GAB1: variants seen among roughly 807,000 people sequenced by gnomAD.
GAB1 encodes the protein GRB2 associated binding protein 1.
GAB1 carries 19 observed loss-of-function variants against 66.5 expected under a neutral mutation model. The observed-to-expected ratio is 0.29, with a 90% CI of 0.20 to 0.42. The LOEUF (loss-of-function observed/expected upper bound fraction) is 0.42. Among genes scored for constraint, GAB1 ranks in the 10% least tolerant of loss-of-function variants. The pLI, the probability that GAB1 is intolerant of heterozygous loss-of-function variation, is 1.00. For missense variants in GAB1, 732 were observed against 858.5 expected (o/e 0.85, Z 1.84); for synonymous variants, 294 against 301.4 (o/e 0.98, Z 0.25).
intron 1 of GAB1, among the ~76,000 whole-genome samples, chr4:143,369,876 T>C (rs1730044530): frequency 6.6e-6 from 1 of 152,244 alleles, no homozygotes; most frequent in South Asian, 2.1e-4. Flanking sequence ...TGGCTTCAAA[T>C]AAGCAAAAGG....
chr4:143,448,768 G>T (rs1212251382), intron 6 of GAB1, among the ~76,000 whole-genome samples: 20 of 151,346 alleles, frequency 1.3e-4, no homozygotes, highest in Admixed American at 2.6e-4. Context: ...TTTTTGAAGG[G>T]TTTTTTGTGT....
intron 8 of GAB1, among the ~76,000 whole-genome samples, chr4:143,462,791 A>G (rs1560788637): frequency 6.6e-6 from 1 of 152,010 alleles, no homozygotes; most frequent in South Asian, 2.1e-4. Flanking sequence ...CCTCTCGAGT[A>G]GCTGGGATTA....
At chr4:143,359,379 G>A (rs756349808) in intron 1 of GAB1, among the ~76,000 whole-genome samples, 3 of 152,078 alleles carry the variant, frequency 2.0e-5, no homozygotes, top group Non-Finnish European at 4.4e-5. Flanking sequence ...AAAAACCCAC[G>A]GAAGCATTTT....
At chr4:143,415,798 T>C in intron 2 of GAB1, 27 bp downstream of exon 2, 1 of 1,495,154 alleles carries the variant, frequency 6.7e-7, no homozygotes, top group Non-Finnish European at 9.1e-7. Context: ...ACTATTCAAC[T>C]TGAATTCTTC....
At chr4:143,344,484 GT>G (rs1175669655) in intron 1 of GAB1, among the ~76,000 whole-genome samples, 1 of 152,174 alleles carries the variant, frequency 6.6e-6, no homozygotes, top group Admixed American at 6.5e-5. Context: ...AACTTATCAA[GT>G]CACAGTTCTC....
chr4:143,390,027 G>A (rs1214872905), intron 1 of GAB1, among the ~76,000 whole-genome samples: 3 of 152,124 alleles, frequency 2.0e-5, no homozygotes, highest in Non-Finnish European at 4.4e-5. Context: ...GTGTTTCACA[G>A]GCTCTTTCAT....
In GAB1 at chr4:143,433,643, C is replaced by T; in HGVS notation, c.520C>T (p.Leu174Phe). 6.2e-7 allele frequency: 1 copy of T among 1,614,002 alleles called. No homozygotes were observed. Residue 174 changes from leucine to phenylalanine, a missense_variant, in exon 3 of 10, where the codon CTT (leucine) becomes TTT (phenylalanine). Leu to Phe is a conservative substitution (Grantham distance 22). Transcript: ENST00000262994. ...LINVPPHLETLGIQEDPQDYL... is the reference protein window; with the variant it reads ...LINVPPHLETFGIQEDPQDYL... ...CAATGTTCCACCACACCTGGAAACT[C>T]TTGGCATTCAGGAGGATCCTCAAGA...
intron 9 of GAB1, among the ~76,000 whole-genome samples, chr4:143,467,702 G>C (rs1578764149): frequency 6.6e-6 from 1 of 152,222 alleles, no homozygotes; most frequent in Non-Finnish European, 1.5e-5. Flanking sequence ...ATTTGCTTCT[G>C]CTAGGAACCA....
chr4:143,432,476 A>G (rs1415246322), intron 2 of GAB1, among the ~76,000 whole-genome samples: 2 of 152,218 alleles, frequency 1.3e-5, no homozygotes, highest in Non-Finnish European at 2.9e-5. Flanking sequence ...AAAAAGGGAA[A>G]AGAAGAAAAA....
intron 1 of GAB1, among the ~76,000 whole-genome samples, chr4:143,389,145 A>C (rs1424063460): frequency 1.3e-5 from 2 of 152,242 alleles, no homozygotes; most frequent in Admixed American, 1.3e-4. Flanking sequence ...GTTGGTAATC[A>C]AATGTAAGAA....
intron 1 of GAB1, among the ~76,000 whole-genome samples, chr4:143,369,638 C>T (rs1334397953): frequency 3.3e-5 from 5 of 152,176 alleles, no homozygotes; most frequent in Non-Finnish European, 7.3e-5. Flanking sequence ...CTCATAACTG[C>T]TGTTGGTGCC....
chr4:143,385,249 T>C (rs575613800), intron 1 of GAB1, among the ~76,000 whole-genome samples: 41 of 152,332 alleles, frequency 2.7e-4, no homozygotes, highest in African/African-American at 8.9e-4. Context: ...TCACTAGATA[T>C]TAATTAGTTC....
chr4:143,367,271 ATGT>A (rs10606864), intron 1 of GAB1, among the ~76,000 whole-genome samples: 62,246 of 151,736 alleles, frequency 0.41, 12,912 homozygotes, highest in South Asian at 0.56. Context: ...CAGTGATCTA[ATGT>A]TGTGCATGTA....
At chr4:143,358,766 A>G (rs1729544693) in intron 1 of GAB1, among the ~76,000 whole-genome samples, 1 of 152,206 alleles carries the variant, frequency 6.6e-6, no homozygotes, top group Admixed American at 6.5e-5. Context: ...AAAAAAGCTA[A>G]ATGAAATTTA....
chr4:143,391,392 T>G (rs1731179756), intron 1 of GAB1: 1 of 152,070 alleles, frequency 6.6e-6, no homozygotes, highest in Non-Finnish European at 1.5e-5. Context: ...GGGATGGGAA[T>G]GTATTAAAAG....
intron 1 of GAB1, among the ~76,000 whole-genome samples, chr4:143,401,372 G>T (rs1357785236): frequency 6.6e-6 from 1 of 152,164 alleles, no homozygotes; most frequent in East Asian, 1.9e-4. Context: ...CTGTTGAGAG[G>T]ATTATACAGA....
intron 1 of GAB1, among the ~76,000 whole-genome samples, chr4:143,356,347 T>C (rs779531235): frequency 6.6e-6 from 1 of 152,214 alleles, no homozygotes; most frequent in Non-Finnish European, 1.5e-5. Context: ...CATTTCTTCA[T>C]TTGTGGAATG....
rs116596270 is a variant in GAB1 at position 143,462,826 on chromosome 4, T to G, written c.1803+2339T>G. Among the ~76,000 whole-genome samples, 816 of 152,206 alleles carry G rather than the reference T, an allele frequency of 5.4e-3. 3 individuals are homozygous for G. The highest frequency in any genetic ancestry group is 0.019 in the African/African-American group (777 of 41,524). On this transcript the variant is annotated intron_variant, in intron 8 of 9. Transcript: ENST00000262994. Reference sequence around the variant, plus strand: ...ACAGGTTTGCGCCACCACACACGACTAATTTTTGTGTTTTTGGTAGAGACA... The same window carrying G: ...ACAGGTTTGCGCCACCACACACGACGAATTTTTGTGTTTTTGGTAGAGACA...
chr4:143,431,911 T>C (rs189437555), intron 2 of GAB1, among the ~76,000 whole-genome samples: 1 of 152,094 alleles, frequency 6.6e-6, no homozygotes, highest in East Asian at 1.9e-4. Context: ...GTTTTCCTTA[T>C]CATTCTTGGT....
Sources: allele counts gnomAD v4.1 joint callset (sites outside exome capture counted in the v4.1 genomes callset), GRCh38; gene constraint gnomAD v4.1.1; transcripts MANE v1.5; gene names NCBI Gene and HGNC (gene_info 2026-07-23, HGNC 2026-07-21).